Variants in PDS5A observed in about 807,000 individuals in gnomAD.
PDS5A encodes the protein PDS5 cohesin associated factor A.
A neutral mutation model predicts 167.1 loss-of-function variants in PDS5A; 42 were observed. The observed-to-expected ratio is 0.25, with a 90% CI of 0.20 to 0.33. The LOEUF (loss-of-function observed/expected upper bound fraction) is 0.33, where lower values mean the gene tolerates loss of function less well. Among genes scored for constraint, PDS5A ranks in the 10% least tolerant of loss-of-function variants. The probability of loss-of-function intolerance (pLI) is 1.00; values close to 1 mark genes in which losing one functional copy is unlikely to be tolerated. For synonymous variants in PDS5A, 553 were observed against 554.6 expected (o/e 1.00, Z 0.04); for missense variants, 1,033 against 1,605.9 (o/e 0.64, Z 6.10).
At chr4:39,903,998 G>A in intron 12 of PDS5A, 42 bp downstream of exon 12, 1 of 1,200,044 alleles carries the variant, frequency 8.3e-7, no homozygotes, top group Non-Finnish European at 1.1e-6. Flanking sequence ...TAAGTAAAAA[G>A]TAGTTTTACA....
intron 2 of PDS5A, among the ~76,000 whole-genome samples, chr4:39,941,824 AGAGG>A (rs1727248502): frequency 6.6e-6 from 1 of 152,140 alleles, no homozygotes; most frequent in Non-Finnish European, 1.5e-5. Flanking sequence ...GGGAGGCTGA[AGAGG>A]GAGGAGCCCT....
intron 8 of PDS5A, among the ~76,000 whole-genome samples, chr4:39,915,479 C>G (rs903993572): frequency 1.3e-5 from 2 of 151,884 alleles, no homozygotes; most frequent in Admixed American, 1.3e-4. Context: ...CCCACCTCAG[C>G]CTCCTGAGTA....
chr4:39,828,791 G>A (rs867583385), intron 32 of PDS5A, among the ~76,000 whole-genome samples: 8 of 152,308 alleles, frequency 5.3e-5, no homozygotes, highest in Middle Eastern at 3.4e-3. Flanking sequence ...ACTGGGGTGA[G>A]GTTAAGAGGT....
chr4:39,856,915 T>C (rs1718571185), intron 26 of PDS5A, among the ~76,000 whole-genome samples: 1 of 152,052 alleles, frequency 6.6e-6, no homozygotes, highest in Admixed American at 6.5e-5. Flanking sequence ...TATAAAGATG[T>C]GATTCGTGAT....
chr4:39,840,410 G>A (rs1560417483), intron 31 of PDS5A, among the ~76,000 whole-genome samples: 1 of 152,206 alleles, frequency 6.6e-6, no homozygotes, highest in Non-Finnish European at 1.5e-5. Flanking sequence ...TGAGGAGGGT[G>A]GATCACCTGA....
chr4:39,910,922 CAGG>C (rs1232462403), intron 9 of PDS5A, among the ~76,000 whole-genome samples: 3 of 152,092 alleles, frequency 2.0e-5, no homozygotes, highest in Non-Finnish European at 2.9e-5. Context: ...TGCTTGCACT[CAGG>C]AGTTCAAGAT....
At position 39,920,661 on chromosome 4, in the gene PDS5A, T is replaced by C. The variant is rs922675944; in HGVS notation, c.655-262A>G. ...GGGTTAGTTAGCAAAAGCACAACACTATATTGTTTTATTAAACTCAAAACA... is the reference window on the plus strand; with the variant it reads ...GGGTTAGTTAGCAAAAGCACAACACCATATTGTTTTATTAAACTCAAAACA... On this transcript the variant is annotated intron_variant, in intron 6 of 32. Transcript: ENST00000303538. Among the ~76,000 whole-genome samples, 9 of 152,238 alleles carry C rather than the reference T, an allele frequency of 5.9e-5. No individual in the cohort carries two copies. In the East Asian group the frequency reaches 1.5e-3, roughly 26 times the overall value.
At chr4:39,832,415 G>A (rs923762942) in intron 32 of PDS5A, among the ~76,000 whole-genome samples, 8 of 151,728 alleles carry the variant, frequency 5.3e-5, no homozygotes, top group Admixed American at 1.3e-4. Flanking sequence ...GGATTTCACC[G>A]TGTTAGCCAG....
chr4:39,832,291 G>T (rs1715973774), intron 32 of PDS5A, among the ~76,000 whole-genome samples: 1 of 151,216 alleles, frequency 6.6e-6, no homozygotes, highest in Admixed American at 6.6e-5. Flanking sequence ...TCTGCTCACT[G>T]CAAGCTCCGC....
rs868302287 is a variant in PDS5A at position 39,823,349 on chromosome 4, T to C, written c.*2136A>G. The C allele has an allele frequency of 1.3e-5, 2 of 152,348 alleles. No homozygotes were observed. The highest frequency in any genetic ancestry group is 2.9e-5 in the Non-Finnish European group (2 of 68,040). 9.4% of individuals were successfully genotyped at this position (152,348 alleles called of 1,614,324 possible). A position where few individuals can be genotyped will look rare whatever the true frequency, so the allele number is the denominator to read the frequency against. ...AAATTGGGGTGGGCCACTTACATCA[T>C]ACAAGGAGCAAATCCTTTTAACTTC... On this transcript the variant is annotated 3_prime_UTR_variant, in exon 33 of 33. Transcript: ENST00000303538.
At chr4:39,949,348 G>A (rs1728103831) in intron 2 of PDS5A, among the ~76,000 whole-genome samples, 1 of 144,978 alleles carries the variant, frequency 6.9e-6, no homozygotes, top group East Asian at 2.0e-4. Flanking sequence ...TGGGCGAAAT[G>A]TTATGCTAAC....
At chr4:39,900,601 C>T in intron 13 of PDS5A, 94 bp from the exon 14 acceptor site, 1 of 723,812 alleles carries the variant, frequency 1.4e-6, no homozygotes, top group Non-Finnish European at 2.4e-6. Context: ...GTATATACAC[C>T]ATTCTTCTAC....
intron 18 of PDS5A, among the ~76,000 whole-genome samples, chr4:39,877,944 G>A (rs1291531986): frequency 6.6e-6 from 1 of 152,008 alleles, no homozygotes; most frequent in African/African-American, 2.4e-5. Context: ...TATCAACAAA[G>A]AAGCCACTAT....
chr4:39,825,136 C>T lies in PDS5A; in HGVS notation c.*349G>A, dbSNP rs1032380592. On this transcript the variant is annotated 3_prime_UTR_variant, in exon 33 of 33. Transcript: ENST00000303538. ...ACTTTCTTTAAAATAAAAACTGCAGCGTGGAAATTAATGGTGTATTACGCA... is the reference window on the plus strand; with the variant it reads ...ACTTTCTTTAAAATAAAAACTGCAGTGTGGAAATTAATGGTGTATTACGCA... The T allele has an allele frequency of 1.4e-5, 3 of 211,382 alleles. No homozygotes were observed. Among genetic ancestry groups the T allele is most frequent in the Non-Finnish European group, 1.9e-5 (2 of 107,444 alleles). 13.1% of individuals were successfully genotyped at this position (211,382 alleles called of 1,614,324 possible).
chr4:39,916,629 C>A (rs990440793), intron 8 of PDS5A, among the ~76,000 whole-genome samples: 3 of 151,962 alleles, frequency 2.0e-5, no homozygotes, highest in Admixed American at 2.0e-4. Context: ...GCACTTTGGG[C>A]AGCCGAGGTG....
intron 12 of PDS5A, among the ~76,000 whole-genome samples, chr4:39,903,392 CTTAA>C (rs1170659950): frequency 1.3e-5 from 2 of 152,172 alleles, no homozygotes; most frequent in African/African-American, 4.8e-5. Context: ...TACAAGATCT[CTTAA>C]TTAACAAATG....
At chr4:39,965,253 C>T (rs1031892592) in intron 2 of PDS5A, among the ~76,000 whole-genome samples, 2 of 152,188 alleles carry the variant, frequency 1.3e-5, no homozygotes, top group Non-Finnish European at 2.9e-5. Flanking sequence ...GTGGAAAACC[C>T]TAAAACTACA....
At chr4:39,850,719 T>G (rs1718053149) in intron 26 of PDS5A, among the ~76,000 whole-genome samples, 1 of 152,242 alleles carries the variant, frequency 6.6e-6, no homozygotes, top group South Asian at 2.1e-4. Flanking sequence ...CCACTTTTGC[T>G]ATTCCACACT....
chr4:39,849,451 A>AC, intron 27 of PDS5A, 69 bp downstream of exon 27: 1 of 1,149,902 alleles, frequency 8.7e-7, no homozygotes, highest in Non-Finnish European at 1.2e-6. Context: ...AAAAAAAAAA[A>AC]AAAAACCAAG....
Sources: gnomAD v4.1 joint callset for allele counts (sites outside exome capture counted in the v4.1 genomes callset) on GRCh38, gnomAD v4.1.1 for gene constraint, MANE v1.5 for transcripts, NCBI Gene and HGNC (gene_info 2026-07-23, HGNC 2026-07-21) for gene names.